Variants in DLC1 observed in about 807,000 individuals in gnomAD.
DLC1 encodes rho GTPase-activating protein 7.
Under a neutral mutation model 140.3 loss-of-function variants are expected in DLC1, and 54 were observed. That is an observed-to-expected ratio of 0.38 (90% CI 0.31 to 0.48). The LOEUF (loss-of-function observed/expected upper bound fraction) is 0.48, where lower values mean the gene tolerates loss of function less well. Ranked by LOEUF, DLC1 falls within the 20% of genes least tolerant of loss-of-function variation. The pLI is 0.96. For missense variants in DLC1, 2,536 were observed against 1,907.0 expected, an observed-to-expected ratio of 1.33 and a Z score of -6.14; for synonymous variants, 986 against 728.1, an observed-to-expected ratio of 1.35 and a Z score of -5.70.
chr8:13,537,546 CAGTT>C (rs1240422392), intron 1 of DLC1, among the ~76,000 whole-genome samples: 48 of 151,124 alleles, frequency 3.2e-4, no homozygotes, highest in Admixed American at 1.9e-3. Context: ...GAGACAGACA[CAGTT>C]AGGTAAAGGA....
chr8:13,566,303 G>A (rs2117394711), intron 1 of DLC1, among the ~76,000 whole-genome samples: 1 of 152,214 alleles, frequency 6.6e-6, no homozygotes, highest in South Asian at 2.1e-4. Context: ...GGACCTGTAT[G>A]GACAAAAGGC....
At chr8:13,086,187 AG>A in intron 17 of DLC1, 102 bp downstream of exon 17, 1 of 1,464,586 alleles carries the variant, frequency 6.8e-7, no homozygotes, top group Non-Finnish European at 9.2e-7. Context: ...GAAGTCACCA[AG>A]AAAAAATGAC....
At chr8:13,175,613 A>G (rs1269698277) in intron 5 of DLC1, among the ~76,000 whole-genome samples, 1 of 152,154 alleles carries the variant, frequency 6.6e-6, no homozygotes, top group Non-Finnish European at 1.5e-5. Flanking sequence ...TAGTACACCA[A>G]TCACTCAACT....
chr8:13,385,996 T>G (rs996436954), intron 4 of DLC1, among the ~76,000 whole-genome samples: 12 of 152,222 alleles, frequency 7.9e-5, no homozygotes, highest in Admixed American at 1.3e-4. Context: ...GTGCTATGAA[T>G]TATACTCTTG....
At chr8:13,349,716 G>C (rs149742641) in intron 4 of DLC1, among the ~76,000 whole-genome samples, 101 of 152,344 alleles carry the variant, frequency 6.6e-4, no homozygotes, top group African/African-American at 2.3e-3. Context: ...GTGAGGTAAG[G>C]AGGGTAAACG....
chr8:13,580,852 C>A (rs1265100521), intron 1 of DLC1, among the ~76,000 whole-genome samples: 1 of 152,098 alleles, frequency 6.6e-6, no homozygotes, highest in Non-Finnish European at 1.5e-5. Flanking sequence ...AGCGGGACAG[C>A]CTCTAAAAAT....
chr8:13,334,874 C>T (rs1184312632), intron 4 of DLC1, among the ~76,000 whole-genome samples: 2 of 152,204 alleles, frequency 1.3e-5, no homozygotes, highest in African/African-American at 4.8e-5. Flanking sequence ...AGGCGCTGCT[C>T]TAAGCCCTTT....
At chr8:13,347,835 G>T (rs1308819908) in intron 4 of DLC1, among the ~76,000 whole-genome samples, 1 of 152,112 alleles carries the variant, frequency 6.6e-6, no homozygotes, top group African/African-American at 2.4e-5. Context: ...ATTAAAACAT[G>T]CTTCCTGGCT....
chr8:13,538,586 T>C (rs925747662), intron 1 of DLC1, among the ~76,000 whole-genome samples: 3 of 152,184 alleles, frequency 2.0e-5, no homozygotes, highest in Admixed American at 1.3e-4. Flanking sequence ...GAGTTTACTC[T>C]ATCTGGGTAT....
At chr8:13,298,770 A>G (rs76689946) in intron 5 of DLC1, among the ~76,000 whole-genome samples, 2,105 of 152,296 alleles carry the variant, frequency 0.014, 45 homozygotes, top group African/African-American at 0.047. Context: ...CACTATGCTC[A>G]CTACTTGAGT....
rs1307467112 is a variant in DLC1, at chr8:13,579,342, T to A, written c.-126+25195A>T. Among the ~76,000 whole-genome samples the A allele has an allele frequency of 5.0e-4, 28 of 55,526 alleles. 6 individuals are homozygous for A. The highest frequency in any genetic ancestry group is 2.8e-3 in the African/African-American group (27 of 9,628). 36.4% of individuals were successfully genotyped at this position (55,526 alleles called of 152,430 possible). ...ATATATATATATATATATATATATATATATATATATATATATATATTTTTA... is the reference window on the plus strand; with the variant it reads ...ATATATATATATATATATATATATAAATATATATATATATATATATTTTTA... On this transcript the variant is annotated intron_variant, in intron 1 of 1. Coordinates refer to the DLC1 transcript ENST00000631382.
At chr8:13,117,266 T>G (rs1013887066) in intron 5 of DLC1, among the ~76,000 whole-genome samples, 1 of 152,068 alleles carries the variant, frequency 6.6e-6, no homozygotes, top group African/African-American at 2.4e-5. Context: ...AGCCCAGAAG[T>G]TGAAGACCAG....
At chr8:13,299,088 A>C (rs75036255) in intron 5 of DLC1, among the ~76,000 whole-genome samples, 1 of 152,048 alleles carries the variant, frequency 6.6e-6, no homozygotes, top group East Asian at 1.9e-4. Context: ...ATTATAAGTC[A>C]TAAGGCTAGT....
intron 4 of DLC1, among the ~76,000 whole-genome samples, chr8:13,382,888 A>T (rs1159903054): frequency 6.6e-6 from 1 of 152,244 alleles, no homozygotes; most frequent in African/African-American, 2.4e-5. Context: ...TCTGAGGTAG[A>T]GAAAGACATA....
chr8:13,192,855 G>C (rs1344149187), intron 5 of DLC1, among the ~76,000 whole-genome samples: 1 of 152,216 alleles, frequency 6.6e-6, no homozygotes, highest in East Asian at 1.9e-4. Context: ...AGAGGCCTCG[G>C]AGGAATCCGA....
intron 2 of DLC1, among the ~76,000 whole-genome samples, chr8:13,492,380 C>A (rs534322076): frequency 1.1e-4 from 17 of 152,174 alleles, no homozygotes; most frequent in South Asian, 8.3e-4. Flanking sequence ...CTGATTCCAG[C>A]CTGCTACATA....
chr8:13,279,970 A>C (rs140216897), intron 5 of DLC1, among the ~76,000 whole-genome samples: 61 of 152,174 alleles, frequency 4.0e-4, no homozygotes, highest in African/African-American at 1.3e-3. Flanking sequence ...TCAAGATCCC[A>C]CTGGGAATCA....
chr8:13,198,335 C>G (rs1338081669), intron 5 of DLC1, among the ~76,000 whole-genome samples: 1 of 152,004 alleles, frequency 6.6e-6, no homozygotes, highest in African/African-American at 2.4e-5. Flanking sequence ...GAATTGGTAC[C>G]ATTTACAAAG....
chr8:13,420,991 C>A (rs756517880), intron 2 of DLC1, among the ~76,000 whole-genome samples: 1 of 152,108 alleles, frequency 6.6e-6, no homozygotes, highest in Non-Finnish European at 1.5e-5. Flanking sequence ...ACAGATTATA[C>A]TGAGAAACTT....
Sources: allele counts gnomAD v4.1 joint callset (sites outside exome capture counted in the v4.1 genomes callset), GRCh38; gene constraint gnomAD v4.1.1; transcripts MANE v1.5; gene names NCBI Gene and HGNC (gene_info 2026-07-23, HGNC 2026-07-21).